MYRFL: variants seen among roughly 807,000 people sequenced by gnomAD.
The protein encoded by MYRFL is myelin regulatory factor-like protein.
Under a neutral mutation model 109.4 loss-of-function variants are expected in MYRFL, and 88 were observed. The observed-to-expected ratio is 0.80, with a 90% CI of 0.68 to 0.96. MYRFL has a LOEUF of 0.96. Ranked by LOEUF, MYRFL falls within the 40% of genes least tolerant of loss-of-function variation. The pLI is 0.00. For synonymous variants in MYRFL, 324 were observed against 320.9 expected (o/e 1.01, Z -0.10); for missense variants, 957 against 954.9 (o/e 1.00, Z -0.03).
chr12:69,865,577 G>A (rs903739986), intron 2 of MYRFL, among the ~76,000 whole-genome samples: 1 of 152,314 alleles, frequency 6.6e-6, no homozygotes, highest in Non-Finnish European at 1.5e-5. Flanking sequence ...GAGGACAGGG[G>A]AAGGTCAGAG....
In MYRFL at chr12:69,927,672, C is replaced by G; in HGVS notation, c.1767-13C>G. 1 of 1,527,382 alleles carries G rather than the reference C, an allele frequency of 6.5e-7. No individual in the cohort carries two copies. Among genetic ancestry groups the G allele is most frequent in the Non-Finnish European group, 8.7e-7 (1 of 1,144,596 alleles). 94.6% of individuals were successfully genotyped at this position (1,527,382 alleles called of 1,614,324 possible). ...GTATTTGAATAGTAACCAATTTTCT[C>G]TCTCTTTTAAAGCAAATCTAGCAGA... On this transcript the variant is annotated splice_polypyrimidine_tract_variant and intron_variant, in intron 14 of 24. Coordinates refer to ENST00000552032, the MANE Select transcript of MYRFL (RefSeq NM_182530.3).
At chr12:69,858,014 T>C (rs992747783) in intron 2 of MYRFL, among the ~76,000 whole-genome samples, 2 of 151,880 alleles carry the variant, frequency 1.3e-5, no homozygotes, top group Admixed American at 1.3e-4. Context: ...AACCATGCCC[T>C]TTATTTGCTT....
At chr12:69,926,247 T>G (rs1400458359) in intron 13 of MYRFL, among the ~76,000 whole-genome samples, 1 of 151,370 alleles carries the variant, frequency 6.6e-6, no homozygotes, top group Non-Finnish European at 1.5e-5. Flanking sequence ...TGCCTCAGAA[T>G]TTTAAATATG....
At position 69,930,038 on chromosome 12, in the gene MYRFL, C is replaced by G. The variant is rs11177973; in HGVS notation, c.1830+2290C>G. Among the ~76,000 whole-genome samples the G allele has an allele frequency of 1.6e-4, 25 of 152,312 alleles. No individual in the cohort carries two copies. In the East Asian group the frequency reaches 4.8e-3, roughly 29 times the overall value. ...CAATAAAACACAAATAACCAAAGTG[C>G]TTGCTCCCTCTGTGCTGACCTGCTA... is the stretch of plus-strand genomic sequence containing the variant. On this transcript the variant is annotated intron_variant, in intron 15 of 24. Coordinates refer to ENST00000552032, the MANE Select transcript of MYRFL (RefSeq NM_182530.3).
chr12:69,842,927 G>A (rs539489931), intron 1 of MYRFL, among the ~76,000 whole-genome samples: 1 of 152,298 alleles, frequency 6.6e-6, no homozygotes, highest in African/African-American at 2.4e-5. Flanking sequence ...CCGTGAGCTT[G>A]TTTCTGATTT....
chr12:69,852,760 G>A (rs1409687888), intron 1 of MYRFL, among the ~76,000 whole-genome samples: 3 of 151,762 alleles, frequency 2.0e-5, no homozygotes, highest in East Asian at 1.9e-4. Context: ...GTGTCCCTGG[G>A]TACTTGAGAT....
In MYRFL at chr12:69,957,946, A is replaced by ATG; in HGVS notation, c.2571+6_2571+7dup. The ATG allele has an allele frequency of 6.5e-7, 1 of 1,530,050 alleles. No individual in the cohort carries two copies. The highest frequency in any genetic ancestry group is 8.8e-7 in the Non-Finnish European group (1 of 1,142,222). The allele number at this position is 1,530,050 out of a possible 1,614,324, so 94.8% of individuals were successfully genotyped here. ...AATCTCCCAGGAGATGACACAGGTA[A>ATG]TGTTTTCTGCCTCCTCTCTTCCCCG... On this transcript the variant is annotated splice_donor_region_variant and intron_variant, in intron 23 of 24. Coordinates refer to ENST00000552032, the MANE Select transcript of MYRFL (RefSeq NM_182530.3).
intron 5 of MYRFL, among the ~76,000 whole-genome samples, chr12:69,883,121 A>G (rs913010014): frequency 2.6e-5 from 4 of 152,228 alleles, no homozygotes; most frequent in Admixed American, 2.6e-4. Context: ...GATTTTCTCA[A>G]GAGATCCTCA....
chr12:69,877,019 C>CTT (rs1565988193), intron 2 of MYRFL, among the ~76,000 whole-genome samples: 1 of 37,338 alleles, frequency 2.7e-5, no homozygotes. Context: ...TTCTTTCTTT[C>CTT]TTTCTTTTTT....
intron 1 of MYRFL, among the ~76,000 whole-genome samples, chr12:69,833,417 G>C (rs118100283): frequency 6.6e-6 from 1 of 152,076 alleles, no homozygotes; most frequent in Non-Finnish European, 1.5e-5. Context: ...AAAGGATTTC[G>C]TGCAGTGGGG....
intron 2 of MYRFL, among the ~76,000 whole-genome samples, chr12:69,878,491 T>G (rs2136332058): frequency 6.6e-6 from 1 of 152,258 alleles, no homozygotes; most frequent in South Asian, 2.1e-4. Flanking sequence ...TTAAAAAATT[T>G]TATTGATACA....
At chr12:69,929,084 G>C (rs538027056) in intron 15 of MYRFL, among the ~76,000 whole-genome samples, 2 of 152,246 alleles carry the variant, frequency 1.3e-5, no homozygotes, top group African/African-American at 4.8e-5. Flanking sequence ...CTCAAGAAAC[G>C]TTTATCAAAT....
chr12:69,923,359 A>G (rs559323473), intron 13 of MYRFL, among the ~76,000 whole-genome samples: 4 of 152,334 alleles, frequency 2.6e-5, no homozygotes, highest in Admixed American at 2.6e-4. Flanking sequence ...AGGAGTCTTC[A>G]TGGTTAGTAG....
At chr12:69,882,072 C>A (rs943082709) in intron 5 of MYRFL, among the ~76,000 whole-genome samples, 1 of 152,156 alleles carries the variant, frequency 6.6e-6, no homozygotes, top group Non-Finnish European at 1.5e-5. Flanking sequence ...GAGTTAAGCT[C>A]CATCCTGCGA....
At chr12:69,843,740 G>C (rs79675431) in intron 1 of MYRFL, among the ~76,000 whole-genome samples, 234 of 152,320 alleles carry the variant, frequency 1.5e-3, no homozygotes, top group African/African-American at 4.8e-3. Flanking sequence ...ACATGTTACT[G>C]TCTTACAGCT....
At chr12:69,825,611 C>G (rs773361603) in intron 1 of MYRFL, 48 bp downstream of exon 1, 5 of 694,272 alleles carry the variant, frequency 7.2e-6, no homozygotes, top group African/African-American at 1.8e-5. Flanking sequence ...GAGAAATGCT[C>G]ACTATCCCTG....
chr12:69,952,797 AG>A lies in MYRFL; in HGVS notation c.2289del. The A allele has an allele frequency of 1.3e-6, 2 of 1,516,898 alleles. No homozygotes were observed. Among genetic ancestry groups the A allele is most frequent in the Non-Finnish European group, 1.8e-6 (2 of 1,132,776 alleles). 94.0% of individuals were successfully genotyped at this position (1,516,898 alleles called of 1,614,324 possible). A position where few individuals can be genotyped will look rare whatever the true frequency, so the allele number is the denominator to read the frequency against. On this transcript the variant is annotated splice_acceptor_variant, in intron 20 of 24. Transcript: ENST00000552032. LOFTEE classifies it high-confidence loss of function. ...TACTTTGTCTATTTCTTCTCAATTC[AG>A]GGATTGATACAACCATCAGTTCTAT...
intron 15 of MYRFL, among the ~76,000 whole-genome samples, chr12:69,930,412 C>G (rs754752974): frequency 1.7e-4 from 26 of 152,038 alleles, no homozygotes; most frequent in Non-Finnish European, 3.7e-4. Context: ...TTCTCCACCT[C>G]CAAGAGGTAG....
chr12:69,881,651 G>A (rs1032961966), intron 5 of MYRFL, among the ~76,000 whole-genome samples: 5 of 152,300 alleles, frequency 3.3e-5, no homozygotes, highest in African/African-American at 4.8e-5. Flanking sequence ...CTGGGAGTGC[G>A]GTCTCAGAAT....
Sources: allele counts gnomAD v4.1 joint callset (sites outside exome capture counted in the v4.1 genomes callset), GRCh38; gene constraint gnomAD v4.1.1; transcripts MANE v1.5; gene names NCBI Gene and HGNC (gene_info 2026-07-23, HGNC 2026-07-21).